ADAMTS17: variants seen among roughly 807,000 people sequenced by gnomAD.
The protein encoded by ADAMTS17 is ADAM metallopeptidase with thrombospondin type 1 motif 17, also known as A disintegrin and metalloproteinase with thrombospondin motifs 17.
A neutral mutation model predicts 141.5 loss-of-function variants in ADAMTS17; 113 were observed. The ratio of observed to expected loss-of-function variants is 0.80; its 90% CI spans 0.69 to 0.93. The LOEUF (loss-of-function observed/expected upper bound fraction) is 0.93, where lower values mean the gene tolerates loss of function less well. Ranked by LOEUF, ADAMTS17 falls within the 40% of genes least tolerant of loss-of-function variation. The probability of loss-of-function intolerance (pLI) is 0.00; values close to 1 mark genes in which losing one functional copy is unlikely to be tolerated. For missense variants in ADAMTS17, 1,659 were observed against 1,517.9 expected (o/e 1.09, Z -1.54); for synonymous variants, 768 against 630.6 (o/e 1.22, Z -3.27).
chr15:100,288,963 C>G (rs551052277), intron 3 of ADAMTS17, among the ~76,000 whole-genome samples: 7 of 152,052 alleles, frequency 4.6e-5, no homozygotes, highest in African/African-American at 1.7e-4. Flanking sequence ...AAGAGTAAAC[C>G]AACCTCAATG....
At chr15:100,251,377 T>C (rs571744377) in intron 7 of ADAMTS17, among the ~76,000 whole-genome samples, 7 of 152,356 alleles carry the variant, frequency 4.6e-5, no homozygotes, top group African/African-American at 1.7e-4. Flanking sequence ...AAAATTCTTA[T>C]GTAGAAACCC....
intron 15 of ADAMTS17, among the ~76,000 whole-genome samples, chr15:100,074,434 G>C (rs2034222993): frequency 6.6e-6 from 1 of 151,990 alleles, no homozygotes; most frequent in African/African-American, 2.4e-5. Context: ...AGTTTTGTTA[G>C]GAATAAAGGT....
intron 14 of ADAMTS17, among the ~76,000 whole-genome samples, chr15:100,106,494 T>C (rs1045299298): frequency 1.3e-5 from 2 of 152,212 alleles, no homozygotes; most frequent in Non-Finnish European, 2.9e-5. Context: ...GAACATCCTC[T>C]AGTTGAAAAG....
At chr15:100,082,267 T>C (rs911883417) in intron 15 of ADAMTS17, among the ~76,000 whole-genome samples, 1 of 152,212 alleles carries the variant, frequency 6.6e-6, no homozygotes, top group African/African-American at 2.4e-5. Flanking sequence ...GGTTTTACCA[T>C]GTTAGCCAGG....
chr15:100,309,578 G>A (rs2045337840), intron 3 of ADAMTS17, among the ~76,000 whole-genome samples: 1 of 152,154 alleles, frequency 6.6e-6, no homozygotes, highest in Non-Finnish European at 1.5e-5. Context: ...CATTCCCATG[G>A]GCTTCTTGAG....
At chr15:100,078,362 T>C (rs2034518627) in intron 15 of ADAMTS17, among the ~76,000 whole-genome samples, 1 of 152,148 alleles carries the variant, frequency 6.6e-6, no homozygotes, top group Admixed American at 6.5e-5. Context: ...TCTGTAGCAA[T>C]CAAGACAGCA....
At chr15:100,023,734 T>C (rs1450879530) in intron 18 of ADAMTS17, among the ~76,000 whole-genome samples, 1 of 152,210 alleles carries the variant, frequency 6.6e-6, no homozygotes, top group Non-Finnish European at 1.5e-5. Flanking sequence ...GTCTTCTAAA[T>C]TTAATTAAAT....
At chr15:100,178,532 G>A (rs1230372972) in intron 8 of ADAMTS17, among the ~76,000 whole-genome samples, 2 of 152,096 alleles carry the variant, frequency 1.3e-5, no homozygotes, top group African/African-American at 4.8e-5. Context: ...AAAAGTTTAC[G>A]AAGTTAAGAA....
chr15:100,198,337 C>G (rs1258631421), intron 8 of ADAMTS17, among the ~76,000 whole-genome samples: 2 of 152,104 alleles, frequency 1.3e-5, no homozygotes, highest in East Asian at 3.8e-4. Flanking sequence ...ATGGCAAATG[C>G]TTGAGAAAAA....
chr15:100,203,502 G>A (rs890632251), intron 7 of ADAMTS17, among the ~76,000 whole-genome samples: 4 of 152,148 alleles, frequency 2.6e-5, no homozygotes, highest in African/African-American at 7.2e-5. Flanking sequence ...TCAGGAGATC[G>A]AGACCATCCT....
intron 12 of ADAMTS17, among the ~76,000 whole-genome samples, chr15:100,120,148 A>G (rs1596484239): frequency 6.6e-6 from 1 of 152,216 alleles, no homozygotes. Flanking sequence ...CTGAGGAGGA[A>G]GCACCAGGAA....
chr15:100,057,531 C>T (rs1190267191), intron 15 of ADAMTS17, among the ~76,000 whole-genome samples: 2 of 152,162 alleles, frequency 1.3e-5, no homozygotes, highest in Admixed American at 6.5e-5. Flanking sequence ...TGAGCTGGGG[C>T]CCCAGGCTCG....
chr15:100,246,181 G>C (rs924250026), intron 7 of ADAMTS17, among the ~76,000 whole-genome samples: 4 of 152,100 alleles, frequency 2.6e-5, no homozygotes, highest in Non-Finnish European at 5.9e-5. Context: ...GTGAGAAAGG[G>C]AACTAGTTTC....
intron 15 of ADAMTS17, among the ~76,000 whole-genome samples, chr15:100,082,781 T>C (rs1209161601): frequency 6.6e-5 from 10 of 150,800 alleles, no homozygotes; most frequent in Non-Finnish European, 1.5e-4. Flanking sequence ...TTTTTTTTTT[T>C]TCAGTTCATC....
chr15:100,261,013 A>G (rs1413662568), intron 6 of ADAMTS17, among the ~76,000 whole-genome samples: 1 of 152,196 alleles, frequency 6.6e-6, no homozygotes, highest in Non-Finnish European at 1.5e-5. Context: ...GAAAAAAATG[A>G]TATAGCCACA....
chr15:100,164,704 A>G (rs374516869), intron 8 of ADAMTS17, among the ~76,000 whole-genome samples: 1 of 152,308 alleles, frequency 6.6e-6, no homozygotes, highest in South Asian at 2.1e-4. Flanking sequence ...GGGGAAAGGA[A>G]AAGTTCCCAC....
At chr15:100,021,565 A>G (rs999256378) in intron 18 of ADAMTS17, among the ~76,000 whole-genome samples, 12 of 152,152 alleles carry the variant, frequency 7.9e-5, no homozygotes, top group Admixed American at 3.9e-4. Context: ...ACGGCTCCCT[A>G]GTACCTAATG....
rs1050724895 is a variant in ADAMTS17 at position 99,973,728 on chromosome 15, T to C, written c.*674A>G. On this transcript the variant is annotated 3_prime_UTR_variant, in exon 22 of 22. Transcript: ENST00000268070. ...AGACTCTCTTGGAACATTCTTCCCA[T>C]GCGGGTGGTATGAACTGCGTGGCAC... is the stretch of plus-strand genomic sequence containing the variant. The C allele has an allele frequency of 2.6e-5, 4 of 156,756 alleles. No homozygotes were observed. Among genetic ancestry groups the C allele is most frequent in the African/African-American group, 9.6e-5 (4 of 41,460 alleles). 9.7% of individuals were successfully genotyped at this position (156,756 alleles called of 1,614,324 possible). A position where few individuals can be genotyped will look rare whatever the true frequency, so the allele number is the denominator to read the frequency against.
chr15:100,277,544 G>A (rs2044140827), intron 4 of ADAMTS17, among the ~76,000 whole-genome samples: 1 of 152,118 alleles, frequency 6.6e-6, no homozygotes, highest in South Asian at 2.1e-4. Context: ...AAGAGAGAGA[G>A]ATAAAATAAT....
Sources: allele counts gnomAD v4.1 joint callset (sites outside exome capture counted in the v4.1 genomes callset), GRCh38; gene constraint gnomAD v4.1.1; transcripts MANE v1.5; gene names NCBI Gene and HGNC (gene_info 2026-07-23, HGNC 2026-07-21).